The following DHRSX variants were observed in gnomAD, a reference collection of about 807,000 sequenced individuals.
DHRSX encodes dehydrogenase/reductase X-linked.
DHRSX carries 31 observed loss-of-function variants against 34.0 expected under a neutral mutation model. That is an observed-to-expected ratio of 0.91 (90% CI 0.69 to 1.23). DHRSX has a LOEUF of 1.23. Ranked by LOEUF, DHRSX falls within the 50% of genes most tolerant of loss-of-function variation. The pLI, the probability that DHRSX is intolerant of heterozygous loss-of-function variation, is 0.00. For missense variants in DHRSX, 414 were observed against 428.1 expected (o/e 0.97, Z 0.29); for synonymous variants, 201 against 183.8 (o/e 1.09, Z -0.76).
At chrX:2,222,292 A>T (rs1244720700) in intron 6 of DHRSX, among the ~76,000 whole-genome samples, 1 of 152,214 alleles carries the variant, frequency 6.6e-6, no homozygotes, top group Non-Finnish European at 1.5e-5. Flanking sequence ...ACATAATCAG[A>T]TTCAACCTCC....
At chrX:2,435,916 T>C (rs993805519) in intron 1 of DHRSX, among the ~76,000 whole-genome samples, 2 of 152,162 alleles carry the variant, frequency 1.3e-5, no homozygotes, top group Non-Finnish European at 2.9e-5. Flanking sequence ...TCATGGGGGC[T>C]GGGCGCAGTG....
Position 2,375,673 on chromosome X carries a change from G to A in DHRSX, c.286+33072C>T, listed in dbSNP as rs1327751148. Among the ~76,000 whole-genome samples, 31 of 136,416 alleles carry A rather than the reference G, an allele frequency of 2.3e-4. 8 individuals are homozygous for A. The highest frequency in any genetic ancestry group is 4.9e-4 in the African/African-American group (20 of 40,448). 89.5% of individuals were successfully genotyped at this position (136,416 alleles called of 152,430 possible). A position where few individuals can be genotyped will look rare whatever the true frequency, so the allele number is the denominator to read the frequency against. On this transcript the variant is annotated intron_variant, in intron 3 of 6. Transcript: ENST00000334651. ...TTTTGAGACAGAGTCTCACTCTGTC[G>A]CCAAGCTGGAGGGCAGTAGTGCGAT...
chrX:2,322,915 T>A (rs1236888214), intron 3 of DHRSX, among the ~76,000 whole-genome samples: 2 of 151,926 alleles, frequency 1.3e-5, no homozygotes, highest in Admixed American at 6.6e-5. Flanking sequence ...TCAACTCTAG[T>A]TTTTTGTTGT....
At chrX:2,402,499 C>T (rs1359996552) in intron 3 of DHRSX, among the ~76,000 whole-genome samples, 1 of 152,192 alleles carries the variant, frequency 6.6e-6, no homozygotes, top group Non-Finnish European at 1.5e-5. Context: ...CAGACCCTGC[C>T]GTGTGGCTGG....
intron 1 of DHRSX, chrX:2,487,369 T>C (rs1370156735): frequency 9.4e-6 from 1 of 105,876 alleles, no homozygotes. Context: ...AGCCACCCAC[T>C]TTTGTTTTGT....
intron 3 of DHRSX, among the ~76,000 whole-genome samples, chrX:2,383,142 A>G (rs2043232829): frequency 6.6e-6 from 1 of 151,538 alleles, no homozygotes; most frequent in South Asian, 2.1e-4. Flanking sequence ...CATCACCATC[A>G]TGACCATCAT....
chrX:2,231,427 CTT>C (rs2015874634), intron 6 of DHRSX, among the ~76,000 whole-genome samples: 1 of 151,094 alleles, frequency 6.6e-6, no homozygotes, highest in African/African-American at 2.4e-5. Context: ...CTTCCTCTTC[CTT>C]TTTCTCTTTT....
At chrX:2,229,369 G>A (rs898118160) in intron 6 of DHRSX, among the ~76,000 whole-genome samples, 3 of 152,038 alleles carry the variant, frequency 2.0e-5, no homozygotes, top group African/African-American at 7.2e-5. Context: ...TTCTACAAAG[G>A]CAACACTTCC....
chrX:2,260,200 G>T (rs1189600986), intron 5 of DHRSX, among the ~76,000 whole-genome samples: 5 of 151,566 alleles, frequency 3.3e-5, no homozygotes, highest in Non-Finnish European at 5.9e-5. Flanking sequence ...TTCCATTTAG[G>T]GCCCTTCTTA....
In DHRSX at chrX:2,269,181, TTGTATA is replaced by T. The variant is rs1373955851; in HGVS notation, c.389-2240_389-2235del. On this transcript the variant is annotated intron_variant, in intron 4 of 6. Coordinates refer to ENST00000334651, the MANE Select transcript of DHRSX (RefSeq NM_145177.3). ...GTAGGTCTAGCATTTGTCTACATATTTGTATATGTATATCTGCATGTGTACATATTT... is the reference window on the plus strand; with the variant it reads ...GTAGGTCTAGCATTTGTCTACATATTTGTATATCTGCATGTGTACATATTT... Among the ~76,000 whole-genome samples, 11 of 152,364 alleles carry T rather than the reference TTGTATA, an allele frequency of 7.2e-5. No individual in the cohort carries two copies. In the East Asian group the frequency reaches 9.6e-4, roughly 13 times the overall value.
At chrX:2,410,581 A>G (rs775737926) in intron 2 of DHRSX, among the ~76,000 whole-genome samples, 1 of 152,296 alleles carries the variant, frequency 6.6e-6, no homozygotes, top group Non-Finnish European at 1.5e-5. Context: ...TACACACTCT[A>G]ACACAAGGAA....
intron 6 of DHRSX, among the ~76,000 whole-genome samples, chrX:2,237,988 A>G (rs2016055541): frequency 6.6e-6 from 1 of 151,766 alleles, no homozygotes; most frequent in Non-Finnish European, 1.5e-5. Flanking sequence ...ATACTAAGCT[A>G]CTCTCCTACG....
chrX:2,266,584 C>T (rs2041477212), intron 5 of DHRSX, 156 bp downstream of exon 5: 1 of 222,026 alleles, frequency 4.5e-6, no homozygotes, highest in Non-Finnish European at 7.6e-6. Context: ...GAGCACTGTC[C>T]CCAAAGCACC....
At position 2,375,080 on chromosome X, in the gene DHRSX, CATAA is replaced by C. The variant is rs992558777; in HGVS notation, c.286+33661_286+33664del. On this transcript the variant is annotated intron_variant, in intron 3 of 6. Coordinates refer to ENST00000334651, the MANE Select transcript of DHRSX (RefSeq NM_145177.3). ...CAAGAACCTGCCTCTAAAACAGAAA[CATAA>C]ATAAACAAAAATGAAAATAAACTAT... Among the ~76,000 whole-genome samples the C allele has an allele frequency of 1.2e-3, 170 of 137,666 alleles. 14 individuals are homozygous for C. Among genetic ancestry groups the C allele is most frequent in the African/African-American group, 4.0e-3 (163 of 40,748 alleles). 90.3% of individuals were successfully genotyped at this position (137,666 alleles called of 152,430 possible).
intron 3 of DHRSX, among the ~76,000 whole-genome samples, chrX:2,327,307 GA>G (rs1282701623): frequency 6.6e-6 from 1 of 152,200 alleles, no homozygotes; most frequent in Non-Finnish European, 1.5e-5. Context: ...AGGGAAGCCT[GA>G]CTGTGGACAT....
intron 1 of DHRSX, among the ~76,000 whole-genome samples, chrX:2,458,094 C>T (rs911264892): frequency 1.3e-5 from 2 of 152,064 alleles, no homozygotes; most frequent in African/African-American, 4.8e-5. Flanking sequence ...ACCGTGTACA[C>T]ACTGAAGACA....
chrX:2,428,104 A>G (rs552182790), intron 1 of DHRSX, among the ~76,000 whole-genome samples: 6 of 152,258 alleles, frequency 3.9e-5, no homozygotes, highest in African/African-American at 1.4e-4. Flanking sequence ...AGGACTCAGA[A>G]GTCTCACAGG....
At chrX:2,490,849 G>A (rs1275827882) in intron 1 of DHRSX, 2 of 1,340,744 alleles carry the variant, frequency 1.5e-6, no homozygotes, top group East Asian at 4.6e-5. Context: ...AGACAGACAG[G>A]GTGCCGGGGC....
chrX:2,273,470 C>G (rs2041584791), intron 4 of DHRSX, among the ~76,000 whole-genome samples: 1 of 152,264 alleles, frequency 6.6e-6, no homozygotes, highest in Middle Eastern at 3.4e-3. Context: ...CACGTTCTCA[C>G]TTGTAAGTGG....
Sources: allele counts gnomAD v4.1 joint callset (sites outside exome capture counted in the v4.1 genomes callset), GRCh38; gene constraint gnomAD v4.1.1; transcripts MANE v1.5; gene names NCBI Gene and HGNC (gene_info 2026-07-23, HGNC 2026-07-21).